Variants in RETN observed in about 807,000 individuals in gnomAD.
The protein encoded by RETN is C/EBP-epsilon regulated myeloid-specific secreted cysteine-rich protein precursor 1.
In RETN, 5 loss-of-function variants were observed where a neutral mutation model predicts 6.1. The ratio of observed to expected loss-of-function variants is 0.82; its 90% confidence interval spans 0.43 to 1.73. The LOEUF (loss-of-function observed/expected upper bound fraction) is 1.73, where lower values mean the gene tolerates loss of function less well. Ranked by LOEUF, RETN falls within the 40% of genes most tolerant of loss-of-function variation. The pLI, the probability that RETN is intolerant of heterozygous loss-of-function variation, is 0.02. For missense variants in RETN, 168 were observed against 142.5 expected (o/e 1.18, Z -0.91); for synonymous variants, 62 against 59.2 (o/e 1.05, Z -0.22).
chr19:7,670,113 T>TGCCCCCCCCCCCCCCCCCCCCC, intron 3 of RETN, 106 bp from the exon 4 acceptor site: 1 of 465,522 alleles, frequency 2.1e-6, no homozygotes, highest in East Asian at 4.1e-5. Context: ...GCCGTCCCCG[T>TGCCCCCCCCCCCCCCCCCCCCC]CCCCACCCCC....
chr19:7,669,700 G>A lies in RETN; in HGVS notation c.119-121G>A. On this transcript the variant is annotated intron_variant, in intron 2 of 3. Transcript: ENST00000221515. ...ACACCCAACTCAAGACAGGGTCCTG[G>A]AGGCCAGTGAGCTCCTATGCCCACA... 3 of 862,606 alleles carry A rather than the reference G, an allele frequency of 3.5e-6. No individual in the cohort carries two copies. In the East Asian group the frequency reaches 7.7e-5, roughly 22 times the overall value. The allele number at this position is 862,606 out of a possible 1,614,324, so 53.4% of individuals were successfully genotyped here.
At chr19:7,669,280 C>T (rs371731469) in intron 1 of RETN, 37 bp from the exon 2 acceptor site, 10 of 1,428,956 alleles carry the variant, frequency 7.0e-6, no homozygotes, top group Non-Finnish European at 9.9e-6. Context: ...CAGGGCAGGG[C>T]TGATCCAGCT....
Position 7,670,291 on chromosome 19 carries a change from A to G in RETN, c.269A>G (p.His90Arg). Residue 90 changes from histidine to arginine, a missense_variant, in exon 4 of 4, where the codon CAC becomes CGC. By Grantham distance (29) the His-to-Arg change is conservative. Coordinates refer to ENST00000221515, the MANE Select transcript of RETN (RefSeq NM_020415.4). ...GATGTGCGCGCCGAGACCACATGTC[A>G]CTGCCAGTGCGCGGGCATGGACTGG... ...SWDVRAETTC[H>R]CQCAGMDWTG... is the part of the protein sequence containing the mutation. 6.3e-7 allele frequency: 1 copy of G among 1,593,134 alleles called. No individual in the cohort carries two copies. The highest frequency in any genetic ancestry group is 8.5e-7 in the Non-Finnish European group (1 of 1,174,780).
Position 7,669,391 on chromosome 19 carries a change from G to T in RETN, c.65G>T (p.Cys22Phe), listed in dbSNP as rs1399543928. The T allele has an allele frequency of 2.5e-6, 4 of 1,614,006 alleles. No individual in the cohort carries two copies. In the South Asian group the frequency reaches 4.4e-5, roughly 18 times the overall value. ...CTGTTGGTGTCTAGCAAGACCCTGT[G>T]CTCCATGGAAGAAGCCATCAATGAG... ...LGLLVSSKTL[C>F]SMEEAINERI... The change falls in exon 2 of 4, where the codon TGC becomes TTC. Residue 22 changes from cysteine to phenylalanine, a missense_variant. Physicochemically the swap from Cys to Phe is radical, Grantham distance 205. Coordinates refer to ENST00000221515, the MANE Select transcript of RETN (RefSeq NM_020415.4).
intron 2 of RETN, 23 bp from the exon 3 acceptor site, chr19:7,669,798 T>TCTCCTTTC: frequency 6.2e-7 from 1 of 1,610,092 alleles, no homozygotes; most frequent in Non-Finnish European, 8.5e-7. Flanking sequence ...GCTCCCCCTG[T>TCTCCTTTC]CTCCTTTCCT....
Position 7,670,334 on chromosome 19 carries a change from T to C in RETN, c.312T>C (p.Cys104=). ...TGGACTGGACCGGAGCGCGCTGCTG[T>C]CGTGTGCAGCCCTGAGGTCGCGCGC... ...AGMDWTGARC[C]RVQP is the part of the protein sequence containing the mutation. The change falls in exon 4 of 4, where the codon TGT becomes TGC. Residue 104 remains cysteine (C), a synonymous_variant. Coordinates refer to ENST00000221515, the MANE Select transcript of RETN (RefSeq NM_020415.4). 1 of 1,559,210 alleles carries C rather than the reference T, an allele frequency of 6.4e-7. No homozygotes were observed. Among genetic ancestry groups the C allele is most frequent in the South Asian group, 1.2e-5 (1 of 86,102 alleles).
chr19:7,669,662 C>T (rs2032459298), intron 2 of RETN, among the ~76,000 whole-genome samples, 159 bp from the exon 3 acceptor site: 1 of 152,168 alleles, frequency 6.6e-6, no homozygotes, highest in South Asian at 2.1e-4. Flanking sequence ...TCCAAACCTT[C>T]CCTTACTCCA....
intron 2 of RETN, among the ~76,000 whole-genome samples, 177 bp from the exon 3 acceptor site, chr19:7,669,644 G>T (rs1425600825): frequency 1.3e-5 from 2 of 151,750 alleles, no homozygotes; most frequent in Admixed American, 6.6e-5. Flanking sequence ...CCCAATCCCC[G>T]CTCTCACTCC....
rs1181853343 is a variant in RETN at position 7,669,237 on chromosome 19, A to C, written c.-10-80A>C. 6.0e-6 allele frequency: 6 copies of C among 1,005,386 alleles called. No individual in the cohort carries two copies. The East Asian group carries it at 1.4e-4, about 24-fold the overall frequency. The allele number at this position is 1,005,386 out of a possible 1,614,324, so 62.3% of individuals were successfully genotyped here. ...GACAGGGGTCCAGGTCCAGGGGCAG[A>C]TCCTACTCCCTCCATGGGCCGGATC... is the stretch of plus-strand genomic sequence containing the variant. On this transcript the variant is annotated intron_variant, in intron 1 of 3. Coordinates refer to ENST00000221515, the MANE Select transcript of RETN (RefSeq NM_020415.4).
chr19:7,669,935 T>C (rs2032467699), intron 3 of RETN, 37 bp downstream of exon 3: 1 of 1,551,974 alleles, frequency 6.4e-7, no homozygotes, highest in Non-Finnish European at 8.9e-7. Context: ...CGCCCATTTC[T>C]GTTCCAAGTC....
intron 1 of RETN, 23 bp from the exon 2 acceptor site, chr19:7,669,294 G>C (rs1163361082): frequency 6.5e-7 from 1 of 1,529,848 alleles, no homozygotes; most frequent in Non-Finnish European, 9.1e-7. Flanking sequence ...TCCAGCTGTG[G>C]GTCTCTTGGT....
intron 3 of RETN, 108 bp from the exon 4 acceptor site, chr19:7,670,111 C>CCG: frequency 3.3e-6 from 2 of 614,716 alleles, no homozygotes; most frequent in Non-Finnish European, 5.9e-6. Flanking sequence ...CAGCCGTCCC[C>CCG]GTCCCCACCC....
At chr19:7,670,124 G>GC (rs1255327983) in intron 3 of RETN, 95 bp from the exon 4 acceptor site, 16 of 314,634 alleles carry the variant, frequency 5.1e-5, no homozygotes, top group African/African-American at 4.5e-4. Flanking sequence ...CCCCACCCCC[G>GC]CCCCCCCAAC....
chr19:7,669,968 C>T, intron 3 of RETN, 70 bp downstream of exon 3: 1 of 1,207,264 alleles, frequency 8.3e-7, no homozygotes, highest in Non-Finnish European at 1.2e-6. Flanking sequence ...CCCCTCCCCG[C>T]CACGTTCCCC....
chr19:7,669,072 C>A lies in RETN; in HGVS notation c.-60C>A, dbSNP rs558130584. On this transcript the variant is annotated 5_prime_UTR_variant, in exon 1 of 4. Coordinates refer to ENST00000221515, the MANE Select transcript of RETN (RefSeq NM_020415.4). Reference sequence around the variant, plus strand: ...CCAAGAGGCCTCAAAGAAAGAGCTGCGGTGCAGGAATTCGTGTGCCGGATT... The same window carrying A: ...CCAAGAGGCCTCAAAGAAAGAGCTGAGGTGCAGGAATTCGTGTGCCGGATT... 7 of 475,358 alleles carry A rather than the reference C, an allele frequency of 1.5e-5. No individual in the cohort carries two copies. The highest frequency in any genetic ancestry group is 1.4e-4 in the African/African-American group (7 of 51,152). The allele number at this position is 475,358 out of a possible 1,614,324, so 29.4% of individuals were successfully genotyped here. A position where few individuals can be genotyped will look rare whatever the true frequency, so the allele number is the denominator to read the frequency against.
At position 7,669,809 on chromosome 19, in the gene RETN, C is replaced by T. The variant is rs2032462602; in HGVS notation, c.119-12C>T. ...CACAGCTCCCCCTGTCTCCTTTCCTCCTGCCCCCCAGTATTTAGGGCAATA... is the reference window on the plus strand; with the variant it reads ...CACAGCTCCCCCTGTCTCCTTTCCTTCTGCCCCCCAGTATTTAGGGCAATA... On this transcript the variant is annotated splice_polypyrimidine_tract_variant and intron_variant, in intron 2 of 3. Transcript: ENST00000221515. The T allele has an allele frequency of 3.7e-6, 6 of 1,613,404 alleles. No homozygotes were observed. The highest frequency in any genetic ancestry group is 2.2e-5 in the East Asian group (1 of 44,866).
At position 7,669,908 on chromosome 19, in the gene RETN, G is replaced by A. The variant is rs771554282; in HGVS notation, c.196+10G>A. On this transcript the variant is annotated intron_variant, in intron 3 of 3. Coordinates refer to ENST00000221515, the MANE Select transcript of RETN (RefSeq NM_020415.4). ...GCTACTTGCCCCCGAGGTGAGTGCA[G>A]GAGACTGTTGTCCAGGCGCCCATTT... 2 of 1,612,450 alleles carry A rather than the reference G, an allele frequency of 1.2e-6. No homozygotes were observed. The highest frequency in any genetic ancestry group is 1.7e-6 in the Non-Finnish European group (2 of 1,178,658).
At chr19:7,669,940 C>A in intron 3 of RETN, 42 bp downstream of exon 3, 1 of 1,529,984 alleles carries the variant, frequency 6.5e-7, no homozygotes, top group Non-Finnish European at 9.0e-7. Flanking sequence ...ATTTCTGTTC[C>A]AAGTCCCCTG....
intron 3 of RETN, 152 bp downstream of exon 3, chr19:7,670,050 G>A (rs1010723604): frequency 4.2e-6 from 4 of 959,128 alleles, no homozygotes; most frequent in Admixed American, 4.0e-5. Context: ...CTGGACACTG[G>A]TGTCCACCCT....
Sources: gnomAD v4.1 joint callset for allele counts (sites outside exome capture counted in the v4.1 genomes callset) on GRCh38, gnomAD v4.1.1 for gene constraint, MANE v1.5 for transcripts, NCBI Gene and HGNC (gene_info 2026-07-23, HGNC 2026-07-21) for gene names.